The following NRXN2 variants were observed in gnomAD, a reference collection of about 807,000 sequenced individuals.
NRXN2 encodes neurexin 2.
NRXN2 carries 29 observed loss-of-function variants against 128.8 expected under a neutral mutation model. The ratio of observed to expected loss-of-function variants is 0.23; its 90% CI spans 0.17 to 0.31. The LOEUF is 0.31. Among genes scored for constraint, NRXN2 ranks in the 10% least tolerant of loss-of-function variants. The probability of loss-of-function intolerance (pLI) is 1.00; values close to 1 mark genes in which losing one functional copy is unlikely to be tolerated. For synonymous variants in NRXN2, 1,098 were observed against 1,075.2 expected (o/e 1.02, Z -0.41); for missense variants, 1,881 against 2,452.6 (o/e 0.77, Z 4.92).
intron 2 of NRXN2, among the ~76,000 whole-genome samples, chr11:64,702,738 A>G (rs987789136): frequency 1.4e-5 from 2 of 145,434 alleles, no homozygotes; most frequent in African/African-American, 2.5e-5. Context: ...CCTTCCCTCC[A>G]CTATTGTCCT....
At chr11:64,677,433 G>A (rs899957457) in intron 6 of NRXN2, among the ~76,000 whole-genome samples, 1 of 150,906 alleles carries the variant, frequency 6.6e-6, no homozygotes, top group Non-Finnish European at 1.5e-5. Flanking sequence ...AACAACAAAA[G>A]AACTGGACCA....
rs913727842 is a variant in NRXN2 at position 64,635,171 on chromosome 11, T to C, written c.3585+100A>G. The C allele has an allele frequency of 1.5e-5, 21 of 1,360,920 alleles. No individual in the cohort carries two copies. Among genetic ancestry groups the C allele is most frequent in the Non-Finnish European group, 2.2e-5 (21 of 956,134 alleles). The allele number at this position is 1,360,920 out of a possible 1,614,324, so 84.3% of individuals were successfully genotyped here. On this transcript the variant is annotated intron_variant, in intron 18 of 22. Transcript: ENST00000265459. The surrounding 1 kb of genome is among the most constrained non-coding windows in gnomAD (Gnocchi z 4.8). Reference sequence around the variant, plus strand: ...GAACAGAGGTTCTGAGGGTTCCCCATGAGGGAAGACTTGAGGTGCTGATCC... The same window carrying C: ...GAACAGAGGTTCTGAGGGTTCCCCACGAGGGAAGACTTGAGGTGCTGATCC...
chr11:64,698,038 C>T (rs1319292734), intron 2 of NRXN2, among the ~76,000 whole-genome samples: 2 of 152,170 alleles, frequency 1.3e-5, no homozygotes, highest in African/African-American at 4.8e-5. Flanking sequence ...CCATCACACC[C>T]AACCCTCAAG....
intron 17 of NRXN2, among the ~76,000 whole-genome samples, chr11:64,644,885 TCAC>T (rs2046400921): frequency 1.3e-5 from 2 of 151,978 alleles, no homozygotes; most frequent in South Asian, 4.1e-4. Context: ...GCAAAAACTG[TCAC>T]CACGAGCCCC....
rs984552176 is a variant in NRXN2, at chr11:64,713,669, G to C, written c.31C>G (p.Pro11Ala). 40 of 1,174,106 alleles carry C rather than the reference G, an allele frequency of 3.4e-5. No homozygotes were observed. The Admixed American group carries it at 1.2e-3, about 35-fold the overall frequency. The allele number at this position is 1,174,106 out of a possible 1,614,324, so 72.7% of individuals were successfully genotyped here. Residue 11 changes from proline (P) to alanine (A), a missense_variant, in exon 2 of 23, where the codon CCG becomes GCG. By Grantham distance (27) the Pro-to-Ala change is conservative. Transcript: ENST00000265459. MASGSRWRPT[P>A]PPLLLLLLLA... Reference sequence around the variant, plus strand: ...AGCAGCAGCAACAGCAGCGGCGGCGGTGTCGGCCGCCACCGGCTCCCGGAC... The same window carrying C: ...AGCAGCAGCAACAGCAGCGGCGGCGCTGTCGGCCGCCACCGGCTCCCGGAC...
intron 3 of NRXN2, among the ~76,000 whole-genome samples, chr11:64,694,969 C>A (rs565514823): frequency 2.6e-5 from 4 of 152,154 alleles, no homozygotes; most frequent in African/African-American, 4.8e-5. Context: ...CCCAGCTCCT[C>A]GCCAGCCTCG....
At chr11:64,661,449 A>G in intron 9 of NRXN2, 2 of 1,263,144 alleles carry the variant, frequency 1.6e-6, no homozygotes, top group South Asian at 3.6e-5. Context: ...GGAAGTGGGC[A>G]TGCCGAAATC....
At chr11:64,720,553 T>C (rs2057408047) in intron 1 of NRXN2, among the ~76,000 whole-genome samples, 1 of 152,012 alleles carries the variant, frequency 6.6e-6, no homozygotes, top group Non-Finnish European at 1.5e-5. Context: ...AGGGTCGTGG[T>C]TGTGGCCAGG....
At chr11:64,609,079 A>G (rs1282381440) in intron 22 of NRXN2, among the ~76,000 whole-genome samples, 1 of 151,836 alleles carries the variant, frequency 6.6e-6, no homozygotes, top group Admixed American at 6.6e-5. Context: ...CCACTGGAGC[A>G]GGGTCCTGTC....
Position 64,652,651 on chromosome 11 carries a change from C to T in NRXN2, c.2417-497G>A, listed in dbSNP as rs1265914603. Among the ~76,000 whole-genome samples the T allele has an allele frequency of 3.9e-5, 6 of 152,156 alleles. No homozygotes were observed. The South Asian group carries it at 6.2e-4, about 16-fold the overall frequency. Reference sequence around the variant, plus strand: ...AAATGTAAATGCGAGCCCACAGCTTCGGCCTCTGTTACACAGACACCAGCT... The same window carrying T: ...AAATGTAAATGCGAGCCCACAGCTTTGGCCTCTGTTACACAGACACCAGCT... On this transcript the variant is annotated intron_variant, in intron 12 of 22. Transcript: ENST00000265459.
chr11:64,641,278 G>C (rs879318138), intron 17 of NRXN2, among the ~76,000 whole-genome samples: 2 of 152,080 alleles, frequency 1.3e-5, no homozygotes, highest in African/African-American at 4.8e-5. Flanking sequence ...AGAAATGGGA[G>C]GTGAGAGAGG....
intron 1 of NRXN2, among the ~76,000 whole-genome samples, chr11:64,718,008 T>C (rs2057343522): frequency 6.6e-6 from 1 of 152,156 alleles, no homozygotes; most frequent in South Asian, 2.1e-4. Flanking sequence ...CATCTTCTCT[T>C]TTTTTTCCTG....
intron 7 of NRXN2, among the ~76,000 whole-genome samples, chr11:64,671,405 T>C (rs987643691): frequency 1.3e-5 from 2 of 151,956 alleles, no homozygotes; most frequent in Admixed American, 6.6e-5. Flanking sequence ...GACACAAAAA[T>C]GGCAGGTTCG....
At chr11:64,715,213 A>G (rs1000096114) in intron 1 of NRXN2, among the ~76,000 whole-genome samples, 21 of 152,200 alleles carry the variant, frequency 1.4e-4, no homozygotes, top group African/African-American at 5.1e-4. Context: ...CATTTTTACA[A>G]ATGTCATTTT....
rs990229591 is a variant in NRXN2, at chr11:64,648,773, C to T, written c.3244G>A (p.Ala1082Thr). Residue 1082 changes from alanine to threonine, a missense_variant, in exon 16 of 23, where the codon GCC (alanine) becomes ACC (threonine). Physicochemically the swap from Ala to Thr is moderately conservative, Grantham distance 58. Coordinates refer to ENST00000265459, the MANE Select transcript of NRXN2 (RefSeq NM_015080.4). This position sits in a 1 kb window ranked among gnomAD's most constrained non-coding sequence, Gnocchi z 4.1. ...NGRLPDLIADALHRIGQVERG... is the reference protein window; with the variant it reads ...NGRLPDLIADTLHRIGQVERG... ...TCCACCTGCCCAATGCGGTGCAGGGCGTCGGCGATGAGGTCTGGGAGACGT... is the reference window on the plus strand; with the variant it reads ...TCCACCTGCCCAATGCGGTGCAGGGTGTCGGCGATGAGGTCTGGGAGACGT... 6.8e-6 allele frequency: 11 copies of T among 1,614,018 alleles called. No individual in the cohort carries two copies. The African/African-American group carries it at 8.0e-5, about 12-fold the overall frequency.
intron 2 of NRXN2, among the ~76,000 whole-genome samples, chr11:64,700,467 G>C (rs939641876): frequency 1.3e-5 from 2 of 152,188 alleles, no homozygotes; most frequent in African/African-American, 4.8e-5. Flanking sequence ...GCCATGTGCT[G>C]GGCACCGTAC....
At chr11:64,665,004 C>T (rs1445444479) in intron 9 of NRXN2, among the ~76,000 whole-genome samples, 1 of 142,674 alleles carries the variant, frequency 7.0e-6, no homozygotes, top group Non-Finnish European at 1.5e-5. Flanking sequence ...AAAAAAAGGC[C>T]GGGCGCGGTG....
Position 64,622,623 on chromosome 11 carries a change from G to A in NRXN2, c.4173+130C>T, listed in dbSNP as rs536594941. On this transcript the variant is annotated intron_variant, in intron 21 of 22. Coordinates refer to ENST00000265459, the MANE Select transcript of NRXN2 (RefSeq NM_015080.4). The surrounding 1 kb of genome is among the most constrained non-coding windows in gnomAD (Gnocchi z 4.3). ...CCATCGCCATGGCAACAAAGTCAGC[G>A]ACAGCAGCCTTCAGGATCCCAACAG... is the stretch of plus-strand genomic sequence containing the variant. 412 of 1,348,244 alleles carry A rather than the reference G, an allele frequency of 3.1e-4. 3 individuals carry two copies. In the African/African-American group the frequency reaches 5.0e-3, roughly 16 times the overall value. 83.5% of individuals were successfully genotyped at this position (1,348,244 alleles called of 1,614,324 possible). A position where few individuals can be genotyped will look rare whatever the true frequency, so the allele number is the denominator to read the frequency against.
At chr11:64,633,938 C>A (rs1025649050) in intron 18 of NRXN2, among the ~76,000 whole-genome samples, 1 of 152,204 alleles carries the variant, frequency 6.6e-6, no homozygotes, top group Non-Finnish European at 1.5e-5. Context: ...CACTTCCACC[C>A]CAGCTCTGCT....
Sources: gnomAD v4.1 joint callset for allele counts (sites outside exome capture counted in the v4.1 genomes callset) on GRCh38, gnomAD v4.1.1 for gene constraint, Gnocchi (gnomAD v3.1) non-coding constraint, MANE v1.5 for transcripts, NCBI Gene and HGNC (gene_info 2026-07-23, HGNC 2026-07-21) for gene names.